The following TBCA variants were observed in gnomAD, a reference collection of about 807,000 sequenced individuals.
TBCA encodes tubulin folding cofactor A.
TBCA carries 6 observed loss-of-function variants against 15.8 expected under a neutral mutation model. The ratio of observed to expected loss-of-function variants is 0.38; its 90% CI spans 0.21 to 0.75. The LOEUF is 0.75. TBCA is among the 30% of genes least tolerant of loss of function. The pLI is 0.46. For missense variants in TBCA, 90 were observed against 131.2 expected, an observed-to-expected ratio of 0.69 and a Z score of 1.53; for synonymous variants, 32 against 42.3, an observed-to-expected ratio of 0.76 and a Z score of 0.94.
intron 2 of TBCA, among the ~76,000 whole-genome samples, chr5:77,702,477 T>C (rs904890265): frequency 2.6e-5 from 4 of 152,164 alleles, no homozygotes; most frequent in African/African-American, 9.7e-5. Context: ...CTTGAGGCAG[T>C]GTAATTATTT....
intron 1 of TBCA, among the ~76,000 whole-genome samples, chr5:77,732,241 G>A (rs1046070634): frequency 3.9e-5 from 6 of 152,138 alleles, no homozygotes; most frequent in Admixed American, 6.5e-5. Flanking sequence ...ATCTTAAAAC[G>A]TTTTCTCTAT....
chr5:77,727,043 C>A (rs1185366679), intron 1 of TBCA, among the ~76,000 whole-genome samples: 1 of 151,778 alleles, frequency 6.6e-6, no homozygotes, highest in Non-Finnish European at 1.5e-5. Flanking sequence ...AACAATGTAT[C>A]CCTCTTGAAG....
At chr5:77,763,823 T>C (rs1022097799) in intron 1 of TBCA, among the ~76,000 whole-genome samples, 1 of 152,190 alleles carries the variant, frequency 6.6e-6, no homozygotes, top group Non-Finnish European at 1.5e-5. Context: ...CAGCTTGAAC[T>C]AAGATACGCA....
chr5:77,752,156 A>G (rs900455334), intron 1 of TBCA, among the ~76,000 whole-genome samples: 5 of 152,188 alleles, frequency 3.3e-5, no homozygotes, highest in South Asian at 4.1e-4. Context: ...TATTTTTACA[A>G]TCCATTATAG....
At chr5:77,692,879 A>G (rs1455377022) in intron 3 of TBCA, 102 of 1,156,490 alleles carry the variant, frequency 8.8e-5, no homozygotes, top group South Asian at 7.7e-5. Context: ...GATCCTTTTA[A>G]TAAGATCCCA....
chr5:77,699,033 C>CA (rs71608119), intron 2 of TBCA, among the ~76,000 whole-genome samples: 28,984 of 69,614 alleles, frequency 0.42, 6,225 homozygotes, highest in East Asian at 0.54. Context: ...GCAAGAGCAT[C>CA]AAAAAAAAAA....
In TBCA at chr5:77,701,682, CATATATATATATATATATATAT is replaced by C. The variant is rs58679612; in HGVS notation, c.159+6538_159+6559del. On this transcript the variant is annotated intron_variant, in intron 2 of 3. Coordinates refer to ENST00000380377, the MANE Select transcript of TBCA (RefSeq NM_004607.3). ...CAACAAGTGGATAAACTGTGGCATGCATATATATATATATATATATATATATATATATATATATATATATGAT... is the reference window on the plus strand; with the variant it reads ...CAACAAGTGGATAAACTGTGGCATGCATATATATATATATATATATATGAT... Among the ~76,000 whole-genome samples the C allele has an allele frequency of 5.3e-3, 268 of 50,970 alleles. 3 individuals are homozygous for C. Among genetic ancestry groups the C allele is most frequent in the East Asian group, 0.038 (48 of 1,270 alleles). 33.4% of individuals were successfully genotyped at this position (50,970 alleles called of 152,430 possible).
At chr5:77,745,323 T>C (rs926358398) in intron 1 of TBCA, among the ~76,000 whole-genome samples, 1 of 152,240 alleles carries the variant, frequency 6.6e-6, no homozygotes, top group African/African-American at 2.4e-5. Flanking sequence ...TCATCACTCA[T>C]TGGTTTCAAA....
At chr5:77,729,402 T>C (rs1350412043) in intron 1 of TBCA, among the ~76,000 whole-genome samples, 1 of 152,112 alleles carries the variant, frequency 6.6e-6, no homozygotes, top group Non-Finnish European at 1.5e-5. Flanking sequence ...GGCAGACCTA[T>C]ATAAAATACC....
rs574636621 is a variant in TBCA at position 77,742,412 on chromosome 5, T to C, written c.53+33793A>G. Among the ~76,000 whole-genome samples, 4 of 152,286 alleles carry C rather than the reference T, an allele frequency of 2.6e-5. No individual in the cohort carries two copies. The South Asian group carries it at 8.3e-4, about 32-fold the overall frequency. ...TTCTTCTCCCAACATTTAGTGGCCA[T>C]AAAATAAAAACATAGAAAATTTTAA... On this transcript the variant is annotated intron_variant, in intron 1 of 3. Transcript: ENST00000380377.
At chr5:77,735,183 G>T (rs1245150716) in intron 1 of TBCA, among the ~76,000 whole-genome samples, 1 of 152,116 alleles carries the variant, frequency 6.6e-6, no homozygotes, top group South Asian at 2.1e-4. Context: ...GAAGATTTTG[G>T]TTATTAACAT....
intron 1 of TBCA, among the ~76,000 whole-genome samples, chr5:77,732,978 A>G (rs984047177): frequency 6.6e-6 from 1 of 152,138 alleles, no homozygotes; most frequent in Non-Finnish European, 1.5e-5. Context: ...CTCTAACTTT[A>G]CATCAAAAGT....
chr5:77,754,959 A>G (rs1747439255), intron 1 of TBCA, among the ~76,000 whole-genome samples: 1 of 152,212 alleles, frequency 6.6e-6, no homozygotes, highest in Non-Finnish European at 1.5e-5. Context: ...CTTTTAGCTA[A>G]ATTTGGTACC....
chr5:77,724,838 GA>G (rs1280463783), intron 1 of TBCA, among the ~76,000 whole-genome samples: 2 of 152,082 alleles, frequency 1.3e-5, no homozygotes, highest in East Asian at 3.9e-4. Context: ...ACATTTCTAG[GA>G]TTTTTGTGTT....
chr5:77,747,804 T>A (rs1353252426), intron 1 of TBCA, among the ~76,000 whole-genome samples: 1 of 152,174 alleles, frequency 6.6e-6, no homozygotes, highest in Non-Finnish European at 1.5e-5. Context: ...TTTGTTTAGA[T>A]TTTAGATTTT....
chr5:77,710,200 A>C (rs1228256307), intron 1 of TBCA, among the ~76,000 whole-genome samples: 2 of 152,214 alleles, frequency 1.3e-5, no homozygotes, highest in Non-Finnish European at 2.9e-5. Flanking sequence ...AAAAAGGAAA[A>C]AAAAGCTGTG....
Position 77,708,241 on chromosome 5 carries a change from C to T in TBCA, c.159+1G>A, listed in dbSNP as rs1361177272. ...TATTGTTATTTATGATATAATTTTACCTGCTTTTTAATGTCATAATTTTCA... is the reference window on the plus strand; with the variant it reads ...TATTGTTATTTATGATATAATTTTATCTGCTTTTTAATGTCATAATTTTCA... On this transcript the variant is annotated splice_donor_variant, in intron 2 of 3. Coordinates refer to ENST00000380377, the MANE Select transcript of TBCA (RefSeq NM_004607.3). LOFTEE classifies it high-confidence loss of function. The T allele has an allele frequency of 3.1e-6, 5 of 1,589,264 alleles. No individual in the cohort carries two copies. The highest frequency in any genetic ancestry group is 4.3e-6 in the Non-Finnish European group (5 of 1,163,018).
At chr5:77,752,356 A>AT (rs1428924726) in intron 1 of TBCA, among the ~76,000 whole-genome samples, 1 of 151,724 alleles carries the variant, frequency 6.6e-6, no homozygotes, top group African/African-American at 2.4e-5. Context: ...TATCTGTATA[A>AT]TTTTTTCCTT....
intron 2 of TBCA, among the ~76,000 whole-genome samples, chr5:77,704,001 G>C (rs139357456): frequency 6.6e-6 from 1 of 152,022 alleles, no homozygotes; most frequent in African/African-American, 2.4e-5. Context: ...CTCTCCTGCC[G>C]CCTTGTGAAG....
Sources: allele counts gnomAD v4.1 joint callset (sites outside exome capture counted in the v4.1 genomes callset), GRCh38; gene constraint gnomAD v4.1.1; transcripts MANE v1.5; gene names NCBI Gene and HGNC (gene_info 2026-07-23, HGNC 2026-07-21).